NPAS2: variants seen among roughly 807,000 people sequenced by gnomAD.
The protein encoded by NPAS2 is neuronal PAS domain-containing protein 2.
In NPAS2, 23 loss-of-function variants were observed where a neutral mutation model predicts 107.5. That is an observed-to-expected ratio of 0.21 (90% confidence interval 0.15 to 0.30). The LOEUF (loss-of-function observed/expected upper bound fraction) is 0.30. Among genes scored for constraint, NPAS2 ranks in the 10% least tolerant of loss-of-function variants. The pLI, the probability that NPAS2 is intolerant of heterozygous loss-of-function variation, is 1.00. For missense variants in NPAS2, 756 were observed against 1,043.3 expected (o/e 0.72, Z 3.79); for synonymous variants, 403 against 417.5 (o/e 0.97, Z 0.42).
rs553770076 is a variant in NPAS2, at chr2:100,820,246, C to CGCGGCGGCG, written c.-176_-168dup. ...GCCGCGGAGCCCGGAGACCCGCAGCCGCGGCGGCGGCGGCGGCGGCGGCAG... is the reference window on the plus strand; with the variant it reads ...GCCGCGGAGCCCGGAGACCCGCAGCCGCGGCGGCGGCGGCGGCGGCGGCGGCGGCGGCAG... On this transcript the variant is annotated 5_prime_UTR_variant, in exon 1 of 21. Transcript: ENST00000335681. This position sits in a 1 kb window ranked among gnomAD's most constrained non-coding sequence, Gnocchi z 5.6. 2.9e-4 allele frequency: 42 copies of CGCGGCGGCG among 145,274 alleles called. No homozygotes were observed. Among genetic ancestry groups the CGCGGCGGCG allele is most frequent in the East Asian group, 1.2e-3 (6 of 4,856 alleles). 9.0% of individuals were successfully genotyped at this position (145,274 alleles called of 1,614,324 possible).
chr2:100,936,865 C>G (rs991786772), intron 4 of NPAS2, among the ~76,000 whole-genome samples: 6 of 151,682 alleles, frequency 4.0e-5, no homozygotes, highest in African/African-American at 1.5e-4. Context: ...GCCTGTAATC[C>G]CAGCTACTCG....
Position 100,820,254 on chromosome 2 carries a change from C to CGGCGGG in NPAS2, c.-178_-177insGGGCGG, listed in dbSNP as rs1187161293. 3 of 148,520 alleles carry CGGCGGG rather than the reference C, an allele frequency of 2.0e-5. No homozygotes were observed. The highest frequency in any genetic ancestry group is 4.4e-5 in the Non-Finnish European group (3 of 67,542). The allele number at this position is 148,520 out of a possible 1,614,324, so 9.2% of individuals were successfully genotyped here. A position where few individuals can be genotyped will look rare whatever the true frequency, so the allele number is the denominator to read the frequency against. On this transcript the variant is annotated 5_prime_UTR_variant, in exon 1 of 21. Coordinates refer to ENST00000335681, the MANE Select transcript of NPAS2 (RefSeq NM_002518.4). The surrounding 1 kb of genome is among the most constrained non-coding windows in gnomAD (Gnocchi z 5.6). ...GCCCGGAGACCCGCAGCCGCGGCGG[C>CGGCGGG]GGCGGCGGCGGCGGCAGCAGCTAGA... is the stretch of plus-strand genomic sequence containing the variant.
intron 1 of NPAS2, among the ~76,000 whole-genome samples, chr2:100,830,140 C>T (rs573585337): frequency 4.3e-4 from 65 of 152,194 alleles, no homozygotes; most frequent in Non-Finnish European, 6.0e-4. Flanking sequence ...TATCCTAACG[C>T]GAATAGAATT....
chr2:100,990,489 T>C, intron 18 of NPAS2, 43 bp downstream of exon 18: 1 of 1,592,374 alleles, frequency 6.3e-7, no homozygotes, highest in Non-Finnish European at 8.6e-7. Flanking sequence ...AGGCATCATT[T>C]TACCCCATTC....
chr2:100,995,402 A>G lies in NPAS2; in HGVS notation c.2295A>G (p.Val765=), dbSNP rs745907374. ...RQQPPQHYLQ[V]QAPTSLHSEQ... ...GCCCTTTGTTCTTTTTTTTCTAGGT[A>G]CAGGCACCAACCTCTTTGCACAGTG... Residue 765 remains valine (V), a splice_region_variant and synonymous_variant, in exon 21 of 21, where the codon GTA becomes GTG. Coordinates refer to ENST00000335681, the MANE Select transcript of NPAS2 (RefSeq NM_002518.4). 6 of 1,610,954 alleles carry G rather than the reference A, an allele frequency of 3.7e-6. No homozygotes were observed. Among genetic ancestry groups the G allele is most frequent in the Non-Finnish European group, 4.2e-6 (5 of 1,178,568 alleles).
intron 1 of NPAS2, chr2:100,821,245 C>T: frequency 7.8e-7 from 1 of 1,287,776 alleles, no homozygotes; most frequent in Admixed American, 2.4e-5. Flanking sequence ...TAATTAGTAA[C>T]TAGTTTTGTT....
At chr2:100,921,329 T>C (rs6715496) in intron 2 of NPAS2, among the ~76,000 whole-genome samples, 2 of 152,170 alleles carry the variant, frequency 1.3e-5, no homozygotes, top group African/African-American at 4.8e-5. Flanking sequence ...AAGGAATGAA[T>C]GGATGTAAAG....
chr2:100,905,259 A>G (rs954824309), intron 2 of NPAS2, among the ~76,000 whole-genome samples: 1 of 152,106 alleles, frequency 6.6e-6, no homozygotes, highest in South Asian at 2.1e-4. Context: ...ACTTTTGTAT[A>G]CATAGATTAG....
chr2:100,990,137 G>T, intron 17 of NPAS2, 119 bp from the exon 18 acceptor site: 1 of 823,472 alleles, frequency 1.2e-6, no homozygotes, highest in South Asian at 1.6e-5. Flanking sequence ...GTAGTTGGGA[G>T]GTTCTGATTT....
intron 1 of NPAS2, among the ~76,000 whole-genome samples, chr2:100,832,867 C>T (rs1484437366): frequency 1.3e-5 from 2 of 152,188 alleles, no homozygotes; most frequent in Non-Finnish European, 1.5e-5. Flanking sequence ...TACAAAATCT[C>T]CTTATGTTTT....
Position 100,925,300 on chromosome 2 carries a change from G to A in NPAS2, c.181+6G>A. On this transcript the variant is annotated splice_donor_region_variant and intron_variant, in intron 3 of 20. Transcript: ENST00000335681. ...ATTTTTGCAGAAACACAATGGTAAA[G>A]GTCACCCTTCTCTCTGTTTTTTTTC... 6.2e-7 allele frequency: 1 copy of A among 1,613,768 alleles called. No homozygotes were observed.
Position 100,968,269 on chromosome 2 carries a change from T to A in NPAS2, c.908-12T>A, listed in dbSNP as rs180694587. On this transcript the variant is annotated splice_polypyrimidine_tract_variant and intron_variant, in intron 10 of 20. Coordinates refer to ENST00000335681, the MANE Select transcript of NPAS2 (RefSeq NM_002518.4). The surrounding 1 kb of genome is among the most constrained non-coding windows in gnomAD (Gnocchi z 5.3). ...ACATTGGTTATATGCGGAATCCATT[T>A]TCTACCGACAGTGATGCAGTTTGGC... 181 of 1,613,604 alleles carry A rather than the reference T, an allele frequency of 1.1e-4. 1 individual carries two copies. The East Asian group carries it at 3.0e-3, about 27-fold the overall frequency.
chr2:100,927,124 A>C (rs944946606), intron 3 of NPAS2, among the ~76,000 whole-genome samples: 1 of 151,754 alleles, frequency 6.6e-6, no homozygotes, highest in African/African-American at 2.4e-5. Flanking sequence ...TTAGTAGAGA[A>C]GGGGTTTCAC....
At chr2:100,917,524 A>G (rs989720965) in intron 2 of NPAS2, among the ~76,000 whole-genome samples, 2 of 152,152 alleles carry the variant, frequency 1.3e-5, no homozygotes, top group South Asian at 4.1e-4. Context: ...GCGAAACTCC[A>G]TCTAAAAAAA....
At chr2:100,973,998 C>T (rs1676783303) in intron 12 of NPAS2, among the ~76,000 whole-genome samples, 2 of 152,146 alleles carry the variant, frequency 1.3e-5, no homozygotes, top group African/African-American at 2.4e-5. Flanking sequence ...CCTGCCACCA[C>T]GTCCAGCTAA....
intron 7 of NPAS2, among the ~76,000 whole-genome samples, chr2:100,950,468 T>C (rs1675156444): frequency 1.3e-5 from 2 of 152,298 alleles, no homozygotes; most frequent in Admixed American, 1.3e-4. Context: ...ACGTGGTGGG[T>C]CTATTCCTTC....
chr2:100,873,013 T>A (rs966918263), intron 1 of NPAS2, among the ~76,000 whole-genome samples: 1 of 151,828 alleles, frequency 6.6e-6, no homozygotes, highest in Non-Finnish European at 1.5e-5. Context: ...AAAATCTATT[T>A]GAAAACTGGC....
chr2:100,901,391 C>A, intron 1 of NPAS2: 1 of 230,566 alleles, frequency 4.3e-6, no homozygotes, highest in Non-Finnish European at 7.2e-6. Flanking sequence ...TTGCTAGGTG[C>A]AGATGCCTGG....
intron 2 of NPAS2, among the ~76,000 whole-genome samples, chr2:100,920,499 G>C (rs1165273114): frequency 1.3e-5 from 2 of 152,118 alleles, no homozygotes; most frequent in African/African-American, 4.8e-5. Context: ...CTGGATGTTT[G>C]AGTTCCACCC....
Sources: allele counts gnomAD v4.1 joint callset (sites outside exome capture counted in the v4.1 genomes callset), GRCh38; gene constraint gnomAD v4.1.1; non-coding constraint Gnocchi (gnomAD v3.1); transcripts MANE v1.5; gene names NCBI Gene and HGNC (gene_info 2026-07-23, HGNC 2026-07-21).